CHD4: variants seen among roughly 807,000 people sequenced by gnomAD.
CHD4 encodes the protein chromodomain helicase DNA binding protein 4.
Under a neutral mutation model 235.5 loss-of-function variants are expected in CHD4, and 35 were observed. That is an observed-to-expected ratio of 0.15 (90% CI 0.11 to 0.20). The LOEUF is 0.20. CHD4 is among the 10% of genes least tolerant of loss of function. The probability of loss-of-function intolerance (pLI) is 1.00; values close to 1 mark genes in which losing one functional copy is unlikely to be tolerated. For missense variants in CHD4, 1,329 were observed against 2,432.3 expected (o/e 0.55, Z 9.54); for synonymous variants, 900 against 850.2 (o/e 1.06, Z -1.02).
Position 6,593,314 on chromosome 12 carries a change from C to T in CHD4, c.2515-86G>A. ...GACTGATGGAATGTTTTCCTCCTCC[C>T]AGGGTTACCCTTTTGCCTCACCAGG... On this transcript the variant is annotated intron_variant, in intron 16 of 39. Coordinates refer to ENST00000544040, the MANE Select transcript of CHD4 (RefSeq NM_001273.5). This position sits in a 1 kb window ranked among gnomAD's most constrained non-coding sequence, Gnocchi z 4.9. 6.2e-7 allele frequency: 1 copy of T among 1,601,020 alleles called. No homozygotes were observed. The highest frequency in any genetic ancestry group is 8.5e-7 in the Non-Finnish European group (1 of 1,169,934).
chr12:6,605,927 T>TCCACCA (rs536646872), intron 2 of CHD4, among the ~76,000 whole-genome samples: 6 of 151,662 alleles, frequency 4.0e-5, no homozygotes, highest in South Asian at 2.1e-4. Context: ...AACGCCCCCC[T>TCCACCA]CCACCACCAC....
chr12:6,572,631 A>C (rs184205402), intron 38 of CHD4, among the ~76,000 whole-genome samples: 1 of 140,800 alleles, frequency 7.1e-6, no homozygotes, highest in Admixed American at 6.7e-5. Context: ...ATCTTGGCTC[A>C]CTGCAAACTC....
intron 38 of CHD4, among the ~76,000 whole-genome samples, chr12:6,572,427 GAAAAAAAAAAA>G (rs553252360): frequency 1.0e-5 from 1 of 97,616 alleles, no homozygotes; most frequent in South Asian, 3.2e-4. Context: ...CTCTATCTCA[GAAAAAAAAAAA>G]AAAAAGAGGT....
At position 6,578,936 on chromosome 12, in the gene CHD4, T is replaced by C. The variant is rs1948120986; in HGVS notation, c.4910-19A>G. 6.2e-7 allele frequency: 1 copy of C among 1,609,502 alleles called. No homozygotes were observed. Among genetic ancestry groups the C allele is most frequent in the Non-Finnish European group, 8.5e-7 (1 of 1,175,912 alleles). On this transcript the variant is annotated intron_variant, in intron 33 of 39. Coordinates refer to ENST00000544040, the MANE Select transcript of CHD4 (RefSeq NM_001273.5). ...GCAGCACCTAGGGGAAGAAATGTTA[T>C]TGAGACTATACCTAAAGGAAGAACA...
At position 6,596,050 on chromosome 12, in the gene CHD4, C is replaced by A; in HGVS notation, c.1980G>T (p.Glu660Asp). The A allele has an allele frequency of 6.2e-7, 1 of 1,613,880 alleles. No individual in the cohort carries two copies. ...GCTTGAACAGGTCGTAATCCTGGAT[C>A]TCCACATCCTCACTCTCCCAAGAAG... ...DQASWESEDV[E>D]IQDYDLFKQS... The change falls in exon 13 of 40, where the codon GAG (glutamate) becomes GAT (aspartate). Residue 660 changes from glutamate to aspartate, a missense_variant. This residue lies in a region of CHD4 where 121 missense variants were observed against 177.8 expected (regional missense o/e 0.68). Coordinates refer to ENST00000544040, the MANE Select transcript of CHD4 (RefSeq NM_001273.5).
rs200913009 is a variant in CHD4, at chr12:6,593,257, T to C, written c.2515-29A>G. 1 of 1,613,692 alleles carries C rather than the reference T, an allele frequency of 6.2e-7. No homozygotes were observed. The highest frequency in any genetic ancestry group is 2.2e-5 in the East Asian group (1 of 44,888). On this transcript the variant is annotated intron_variant, in intron 16 of 39. Coordinates refer to ENST00000544040, the MANE Select transcript of CHD4 (RefSeq NM_001273.5). This position sits in a 1 kb window ranked among gnomAD's most constrained non-coding sequence, Gnocchi z 4.9. ...CACATGAAGGCAACTTGGTCACTAC[T>C]AGTCAGTTCCTCTGTGTAAGCACAA...
intron 12 of CHD4, 137 bp from the exon 13 acceptor site, chr12:6,596,274 T>C (rs1274133676): frequency 1.0e-5 from 11 of 1,068,252 alleles, no homozygotes; most frequent in South Asian, 1.6e-5. Context: ...GAGCCTCTAC[T>C]GTACCAGTCT....
chr12:6,598,491 T>C (rs1480808188), intron 10 of CHD4, 66 bp from the exon 11 acceptor site: 1 of 1,308,180 alleles, frequency 7.6e-7, no homozygotes, highest in Admixed American at 2.2e-5. Context: ...CAGCCCACAG[T>C]CTCAACTTCA....
chr12:6,601,626 C>G (rs1256333241), intron 5 of CHD4, 22 bp downstream of exon 5: 1 of 1,613,498 alleles, frequency 6.2e-7, no homozygotes. Flanking sequence ...CCTCCCCCTT[C>G]CCCAAACCCC....
In CHD4 at chr12:6,582,082, T is replaced by C. The variant is rs1025622219; in HGVS notation, c.4515+55A>G. ...CCTCCCAAAGTGCTGGGATTACAGG[T>C]GTGAGCCACTGCGCCTGGCCCCCTA... On this transcript the variant is annotated intron_variant, in intron 30 of 39. Transcript: ENST00000544040. The C allele has an allele frequency of 2.8e-5, 42 of 1,500,230 alleles. 1 individual carries two copies. The East Asian group carries it at 9.2e-4, about 33-fold the overall frequency. The allele number at this position is 1,500,230 out of a possible 1,614,324, so 92.9% of individuals were successfully genotyped here.
chr12:6,595,956 CAAAA>C (rs376930091), intron 13 of CHD4, 46 bp downstream of exon 13: 129 of 1,312,150 alleles, frequency 9.8e-5, no homozygotes, highest in Admixed American at 2.2e-4. Flanking sequence ...GACTCCATCT[CAAAA>C]AAAAAAAAAA....
At chr12:6,595,513 T>G in intron 13 of CHD4, 83 bp from the exon 14 acceptor site, 1 of 1,193,176 alleles carries the variant, frequency 8.4e-7, no homozygotes, top group South Asian at 1.3e-5. Flanking sequence ...GGCTCACACC[T>G]GTAATCCCAG....
rs1948433445 is a variant in CHD4, at chr12:6,593,347, T to A, written c.2514+69A>T. 7.5e-6 allele frequency: 12 copies of A among 1,599,546 alleles called. No individual in the cohort carries two copies. The East Asian group carries it at 2.2e-4, about 30-fold the overall frequency. On this transcript the variant is annotated intron_variant, in intron 16 of 39. Coordinates refer to ENST00000544040, the MANE Select transcript of CHD4 (RefSeq NM_001273.5). The surrounding 1 kb of genome is among the most constrained non-coding windows in gnomAD (Gnocchi z 4.9). Reference sequence around the variant, plus strand: ...CCCTTTTGCCTCACCAGGGACCAGATCACAAGGAGGTAAACTAAGCCAGAA... The same window carrying A: ...CCCTTTTGCCTCACCAGGGACCAGAACACAAGGAGGTAAACTAAGCCAGAA...
rs1948011849 is a variant in CHD4 at position 6,573,304 on chromosome 12, T to G, written c.5362-35A>C. On this transcript the variant is annotated intron_variant, in intron 37 of 39. Transcript: ENST00000544040. ...GGATAAGAGGAAACGGGAGTTCGAC[T>G]GATAACTCACTTTACTCACTTCTGA... is the stretch of plus-strand genomic sequence containing the variant. The G allele has an allele frequency of 2.0e-6, 3 of 1,493,106 alleles. No homozygotes were observed. In the Admixed American group the frequency reaches 7.7e-5, roughly 38 times the overall value. The allele number at this position is 1,493,106 out of a possible 1,614,324, so 92.5% of individuals were successfully genotyped here.
chr12:6,573,180 G>A lies in CHD4; in HGVS notation c.5451C>T (p.Ala1817=). The stretch of plus-strand genomic sequence containing the variant: ...CCACCTCAGCAAAGCGGGTGTTGAG[G>A]GCCATGGAAGGGTGAGAAGGGTCTT... ...MSEDPSHPSM[A]LNTRFAEVEC... is the part of the protein sequence containing the mutation. Residue 1817 remains alanine (A), a synonymous_variant, in exon 38 of 40, where the codon GCC becomes GCT. Transcript: ENST00000544040. 6.2e-7 allele frequency: 1 copy of A among 1,607,978 alleles called. No individual in the cohort carries two copies. The highest frequency in any genetic ancestry group is 8.5e-7 in the Non-Finnish European group (1 of 1,177,800).
In CHD4 at chr12:6,587,563, T is replaced by C. The variant is rs1565608787; in HGVS notation, c.3704-4A>G. On this transcript the variant is annotated splice_region_variant and splice_polypyrimidine_tract_variant and intron_variant, in intron 24 of 39. Coordinates refer to ENST00000544040, the MANE Select transcript of CHD4 (RefSeq NM_001273.5). ...TCTCCCTCTTTGTTGTCTCCTCCTA[T>C]AAAAAATCAAGGGCCCACATCCCCA... The C allele has an allele frequency of 2.5e-6, 4 of 1,613,110 alleles. No individual in the cohort carries two copies. Among genetic ancestry groups the C allele is most frequent in the Middle Eastern group, 1.6e-4 (1 of 6,082 alleles).
chr12:6,589,986 G>A (rs1484969084), intron 22 of CHD4: 1 of 151,822 alleles, frequency 6.6e-6, no homozygotes, highest in Admixed American at 6.6e-5. Flanking sequence ...ATCACCTGAG[G>A]TCAGGAGTTC....
intron 37 of CHD4, among the ~76,000 whole-genome samples, chr12:6,576,503 TG>T (rs914819323): frequency 6.6e-6 from 1 of 152,170 alleles, no homozygotes; most frequent in African/African-American, 2.4e-5. Flanking sequence ...TTTGTAGACA[TG>T]GGGTTTTGCC....
At chr12:6,575,663 G>T (rs1423777779) in intron 37 of CHD4, among the ~76,000 whole-genome samples, 2 of 152,004 alleles carry the variant, frequency 1.3e-5, no homozygotes, top group Non-Finnish European at 2.9e-5. Context: ...TATGAATGCT[G>T]TTTCCATTTC....
Sources: allele counts gnomAD v4.1 joint callset (sites outside exome capture counted in the v4.1 genomes callset), GRCh38; gene constraint gnomAD v4.1.1; regional missense constraint gnomAD v4.1.1; non-coding constraint Gnocchi (gnomAD v3.1); transcripts MANE v1.5; gene names NCBI Gene and HGNC (gene_info 2026-07-23, HGNC 2026-07-21).